The following ZNF277 variants were observed in gnomAD, a reference collection of about 807,000 sequenced individuals.
The protein encoded by ZNF277 is zinc finger protein 277, also known as nuclear receptor-interacting factor 4.
A neutral mutation model predicts 60.7 loss-of-function variants in ZNF277; 55 were observed. The ratio of observed to expected loss-of-function variants is 0.91; its 90% CI spans 0.73 to 1.13. The LOEUF is 1.13. Among genes scored for constraint, ZNF277 ranks in the 50% most tolerant of loss-of-function variants. The probability of loss-of-function intolerance (pLI) is 0.00; values close to 1 mark genes in which losing one functional copy is unlikely to be tolerated. For missense variants in ZNF277, 510 were observed against 523.0 expected, an observed-to-expected ratio of 0.98 and a Z score of 0.24; for synonymous variants, 178 against 179.3, an observed-to-expected ratio of 0.99 and a Z score of 0.06.
chr7:112,322,453 T>C (rs1186876343), intron 5 of ZNF277, among the ~76,000 whole-genome samples: 1 of 152,116 alleles, frequency 6.6e-6, no homozygotes, highest in Non-Finnish European at 1.5e-5. Context: ...GCCCCTCTAG[T>C]CAATTTCTTA....
intron 1 of ZNF277, among the ~76,000 whole-genome samples, chr7:112,279,218 T>C (rs1244353713): frequency 2.6e-5 from 4 of 152,184 alleles, no homozygotes; most frequent in Admixed American, 6.5e-5. Context: ...TAACCAGAAG[T>C]GGGGTGGCTG....
chr7:112,240,699 C>T (rs1225811216), intron 1 of ZNF277, among the ~76,000 whole-genome samples: 1 of 152,054 alleles, frequency 6.6e-6, no homozygotes, highest in Non-Finnish European at 1.5e-5. Flanking sequence ...AGAAATAAAT[C>T]CATACATTTA....
At chr7:112,271,199 A>G (rs1240430762) in intron 1 of ZNF277, among the ~76,000 whole-genome samples, 1 of 152,318 alleles carries the variant, frequency 6.6e-6, no homozygotes, top group Non-Finnish European at 1.5e-5. Context: ...TAGACAACCT[A>G]TTCTTTCAGA....
chr7:112,310,100 C>T (rs143099499), intron 4 of ZNF277, among the ~76,000 whole-genome samples: 1 of 152,130 alleles, frequency 6.6e-6, no homozygotes, highest in East Asian at 1.9e-4. Flanking sequence ...TTGATTAAGT[C>T]ATTGGTCACA....
intron 1 of ZNF277, among the ~76,000 whole-genome samples, chr7:112,280,384 A>T (rs550710105): frequency 6.6e-6 from 1 of 152,324 alleles, no homozygotes; most frequent in African/African-American, 2.4e-5. Flanking sequence ...TAAAAAATTC[A>T]ACTTCCTTGG....
intron 4 of ZNF277, among the ~76,000 whole-genome samples, chr7:112,315,763 A>G (rs1792830813): frequency 6.6e-6 from 1 of 152,144 alleles, no homozygotes. Flanking sequence ...TAAACTAGAA[A>G]TAAGGAATAA....
chr7:112,324,354 A>G (rs1793052976), intron 5 of ZNF277, among the ~76,000 whole-genome samples: 1 of 152,208 alleles, frequency 6.6e-6, no homozygotes, highest in Non-Finnish European at 1.5e-5. Flanking sequence ...GTTCATTAAT[A>G]ATAAAATTAA....
intron 5 of ZNF277, among the ~76,000 whole-genome samples, chr7:112,324,022 G>T (rs903320653): frequency 3.9e-5 from 6 of 152,064 alleles, no homozygotes; most frequent in Non-Finnish European, 7.4e-5. Flanking sequence ...AGCCCAAAAG[G>T]TATTATGTAT....
chr7:112,312,941 A>T (rs1792764596), intron 4 of ZNF277, among the ~76,000 whole-genome samples: 2 of 152,142 alleles, frequency 1.3e-5, no homozygotes, highest in Admixed American at 1.3e-4. Flanking sequence ...TATTTAAAAT[A>T]TTTTTTTCAT....
intron 4 of ZNF277, among the ~76,000 whole-genome samples, chr7:112,317,693 C>G (rs1416572630): frequency 6.6e-6 from 1 of 151,984 alleles, no homozygotes; most frequent in African/African-American, 2.4e-5. Flanking sequence ...GGATTGAAAT[C>G]AGGGAGAACC....
chr7:112,256,227 T>C (rs1333298261), intron 1 of ZNF277, among the ~76,000 whole-genome samples: 1 of 152,204 alleles, frequency 6.6e-6, no homozygotes, highest in Non-Finnish European at 1.5e-5. Flanking sequence ...TTCTTTCAGC[T>C]ATCAGTAATT....
Position 112,342,576 on chromosome 7 carries a change from C to A in ZNF277, c.1200C>A (p.Thr400=). 6.2e-7 allele frequency: 1 copy of A among 1,603,538 alleles called. No individual in the cohort carries two copies. ...TTGTTTTCAGGTATTATTTTCCAAC[C>A]TATGAAAATGACACTCTCCTGTGTA... The part of the protein sequence containing the change: ...TWDQLEYYFP[T]YENDTLLCTL... The change falls in exon 12 of 12, where the codon ACC becomes ACA. Residue 400 remains threonine, a synonymous_variant. Transcript: ENST00000361822.
intron 1 of ZNF277, among the ~76,000 whole-genome samples, chr7:112,237,401 C>CA (rs370546606): frequency 3.3e-5 from 5 of 150,074 alleles, no homozygotes; most frequent in Non-Finnish European, 4.4e-5. Flanking sequence ...TTGAAACAAA[C>CA]AAAAAAAATC....
At chr7:112,340,499 C>T (rs1240257126) in intron 10 of ZNF277, among the ~76,000 whole-genome samples, 1 of 152,178 alleles carries the variant, frequency 6.6e-6, no homozygotes, top group African/African-American at 2.4e-5. Flanking sequence ...TGTTACTTTG[C>T]TGCTTTTATA....
chr7:112,329,252 C>T (rs1793171502), intron 6 of ZNF277, among the ~76,000 whole-genome samples: 1 of 152,066 alleles, frequency 6.6e-6, no homozygotes, highest in Non-Finnish European at 1.5e-5. Context: ...TATACTTAGA[C>T]ACTATATGGC....
intron 1 of ZNF277, among the ~76,000 whole-genome samples, chr7:112,244,140 G>C (rs1452149467): frequency 6.6e-6 from 1 of 152,108 alleles, no homozygotes; most frequent in African/African-American, 2.4e-5. Context: ...GGACATTGGA[G>C]ACTCAGGTGG....
At chr7:112,320,295 T>C (rs1792947037) in intron 5 of ZNF277, among the ~76,000 whole-genome samples, 1 of 152,154 alleles carries the variant, frequency 6.6e-6, no homozygotes, top group South Asian at 2.1e-4. Flanking sequence ...TCTTGACTTA[T>C]GCCATTGTTC....
intron 1 of ZNF277, among the ~76,000 whole-genome samples, chr7:112,210,465 G>T (rs905540472): frequency 6.0e-5 from 8 of 132,668 alleles, no homozygotes; most frequent in Non-Finnish European, 1.3e-4. Flanking sequence ...TTTGTTTTTT[G>T]TTTTTTTTTT....
intron 4 of ZNF277, among the ~76,000 whole-genome samples, chr7:112,313,535 A>G (rs1484115642): frequency 6.6e-6 from 1 of 152,138 alleles, no homozygotes; most frequent in Non-Finnish European, 1.5e-5. Flanking sequence ...ATTTTTTAAC[A>G]GTAAAAACCT....
Sources: allele counts gnomAD v4.1 joint callset (sites outside exome capture counted in the v4.1 genomes callset), GRCh38; gene constraint gnomAD v4.1.1; transcripts MANE v1.5; gene names NCBI Gene and HGNC (gene_info 2026-07-23, HGNC 2026-07-21).